SELENOT: variants seen among roughly 807,000 people sequenced by gnomAD.
The protein encoded by SELENOT is selenoprotein T.
Under a neutral mutation model 24.3 loss-of-function variants are expected in SELENOT, and 9 were observed. The ratio of observed to expected loss-of-function variants is 0.37; its 90% confidence interval spans 0.22 to 0.65. SELENOT has a LOEUF of 0.65. Among genes scored for constraint, SELENOT ranks in the 30% least tolerant of loss-of-function variants. The pLI, the probability that SELENOT is intolerant of heterozygous loss-of-function variation, is 0.60. For missense variants in SELENOT, 166 were observed against 247.6 expected (o/e 0.67, Z 2.21); for synonymous variants, 81 against 86.0 (o/e 0.94, Z 0.32).
intron 1 of SELENOT, among the ~76,000 whole-genome samples, chr3:150,619,853 G>A (rs1002081963): frequency 6.6e-6 from 1 of 152,114 alleles, no homozygotes; most frequent in South Asian, 2.1e-4. Flanking sequence ...ATTATTTTAG[G>A]GAAAGCAATT....
chr3:150,626,005 G>T (rs906676334), intron 4 of SELENOT, among the ~76,000 whole-genome samples: 2 of 152,014 alleles, frequency 1.3e-5, no homozygotes, highest in African/African-American at 4.8e-5. Context: ...GCGTAGCTGG[G>T]ACTACAGGCG....
At chr3:150,617,382 C>T (rs1457340871) in intron 1 of SELENOT, among the ~76,000 whole-genome samples, 2 of 152,274 alleles carry the variant, frequency 1.3e-5, no homozygotes, top group East Asian at 3.9e-4. Context: ...GGGAGGATCA[C>T]TTGAGGCCAG....
chr3:150,626,560 C>T (rs1398974977), intron 4 of SELENOT, among the ~76,000 whole-genome samples: 1 of 152,152 alleles, frequency 6.6e-6, no homozygotes, highest in Non-Finnish European at 1.5e-5. Flanking sequence ...TATCACTCCT[C>T]TTCTATATTT....
chr3:150,611,753 G>T (rs910632688), intron 1 of SELENOT: 1 of 1,416,718 alleles, frequency 7.1e-7, no homozygotes, highest in Non-Finnish European at 9.8e-7. Flanking sequence ...CGCCCCCAGG[G>T]GCCCAGCCGC....
intron 1 of SELENOT, among the ~76,000 whole-genome samples, chr3:150,612,307 G>T (rs1273382909): frequency 6.6e-6 from 1 of 152,100 alleles, no homozygotes. Context: ...TTATCAGGCT[G>T]GTCTCAAACT....
chr3:150,622,332 A>G, intron 1 of SELENOT, 53 bp from the exon 2 acceptor site: 1 of 878,770 alleles, frequency 1.1e-6, no homozygotes, highest in Non-Finnish European at 1.6e-6. Context: ...TAACTACAAA[A>G]TAAATCTAGA....
chr3:150,625,244 C>G (rs1160715245), intron 4 of SELENOT, among the ~76,000 whole-genome samples: 5 of 151,894 alleles, frequency 3.3e-5, no homozygotes, highest in African/African-American at 7.3e-5. Flanking sequence ...GTATATCTCT[C>G]GATCTCTCTC....
chr3:150,625,488 C>T (rs571122656), intron 4 of SELENOT, among the ~76,000 whole-genome samples: 50 of 152,208 alleles, frequency 3.3e-4, no homozygotes, highest in African/African-American at 1.1e-3. Flanking sequence ...AGTTCCACCT[C>T]CTAAATTTCA....
At chr3:150,616,894 T>G (rs986967611) in intron 1 of SELENOT, among the ~76,000 whole-genome samples, 2 of 152,228 alleles carry the variant, frequency 1.3e-5, no homozygotes, top group African/African-American at 2.4e-5. Context: ...ACCTCCTGCC[T>G]TGGCCTCCCA....
At chr3:150,624,951 G>C in intron 4 of SELENOT, 52 bp downstream of exon 4, 1 of 965,344 alleles carries the variant, frequency 1.0e-6, no homozygotes, top group Non-Finnish European at 1.5e-6. Flanking sequence ...GATTTATAAT[G>C]AGTATCAAGC....
At chr3:150,618,291 G>A (rs1003673118) in intron 1 of SELENOT, among the ~76,000 whole-genome samples, 3 of 152,334 alleles carry the variant, frequency 2.0e-5, no homozygotes, top group East Asian at 1.9e-4. Context: ...AATGCTATGC[G>A]TGGATGGCTA....
rs1413954859 is a variant in SELENOT, at chr3:150,611,252, T to A, written c.137+7753T>A. The A allele has an allele frequency of 3.3e-6, 4 of 1,197,806 alleles. No homozygotes were observed. The Admixed American group carries it at 6.0e-5, about 18-fold the overall frequency. The allele number at this position is 1,197,806 out of a possible 1,614,324, so 74.2% of individuals were successfully genotyped here. A position where few individuals can be genotyped will look rare whatever the true frequency, so the allele number is the denominator to read the frequency against. On this transcript the variant is annotated intron_variant, in intron 1 of 5. Transcript: ENST00000471696. ...TAACATCCAAGTTTTTAGTCTCAAT[T>A]CCACATCTAGTGAACACCACTATCA... is the stretch of plus-strand genomic sequence containing the variant.
intron 1 of SELENOT, among the ~76,000 whole-genome samples, chr3:150,618,315 G>C (rs1271890543): frequency 6.6e-6 from 1 of 152,188 alleles, no homozygotes; most frequent in South Asian, 2.1e-4. Flanking sequence ...TGAATCAAAC[G>C]AGAGAGTGAA....
chr3:150,608,726 A>G (rs1037175832), intron 1 of SELENOT, among the ~76,000 whole-genome samples: 2 of 152,246 alleles, frequency 1.3e-5, no homozygotes, highest in Non-Finnish European at 2.9e-5. Flanking sequence ...GAGTGTTACC[A>G]TTAAAAAAAT....
rs1302390692 is a variant in SELENOT, at chr3:150,623,026, T to G, written c.249-17T>G. On this transcript the variant is annotated splice_polypyrimidine_tract_variant and intron_variant, in intron 2 of 5. Coordinates refer to ENST00000471696, the MANE Select transcript of SELENOT (RefSeq NM_016275.5). ...AAATTGTGGCTTCTGATGATTTTCT[T>G]TCTTTTCTTTTGATAGACACATAGC... 4 of 1,503,880 alleles carry G rather than the reference T, an allele frequency of 2.7e-6. No homozygotes were observed. The highest frequency in any genetic ancestry group is 3.6e-6 in the Non-Finnish European group (4 of 1,125,906). The allele number at this position is 1,503,880 out of a possible 1,614,324, so 93.2% of individuals were successfully genotyped here.
At chr3:150,624,662 AAATT>A in intron 3 of SELENOT, 146 bp from the exon 4 acceptor site, 1 of 454,596 alleles carries the variant, frequency 2.2e-6, no homozygotes, top group Non-Finnish European at 3.9e-6. Flanking sequence ...ATGGAGCTGC[AAATT>A]AATATTGGTT....
intron 1 of SELENOT, among the ~76,000 whole-genome samples, chr3:150,608,190 G>A (rs1165911772): frequency 6.6e-6 from 1 of 152,084 alleles, no homozygotes; most frequent in African/African-American, 2.4e-5. Context: ...TGGTGGGAGG[G>A]AAGGAATCCT....
chr3:150,611,374 C>T, intron 1 of SELENOT: 1 of 1,206,738 alleles, frequency 8.3e-7, no homozygotes, highest in Non-Finnish European at 1.2e-6. Context: ...AAAGTGGCAA[C>T]CAACTATCTC....
intron 1 of SELENOT, among the ~76,000 whole-genome samples, chr3:150,619,490 C>T (rs538557354): frequency 1.3e-5 from 2 of 152,136 alleles, no homozygotes; most frequent in East Asian, 3.8e-4. Context: ...GAGCCGAGAT[C>T]GCGCCACTGC....
Sources: gnomAD v4.1 joint callset for allele counts (sites outside exome capture counted in the v4.1 genomes callset) on GRCh38, gnomAD v4.1.1 for gene constraint, MANE v1.5 for transcripts, NCBI Gene and HGNC (gene_info 2026-07-23, HGNC 2026-07-21) for gene names.